TSR1: variants seen among roughly 807,000 people sequenced by gnomAD.
TSR1 encodes pre-rRNA-processing protein TSR1 homolog.
A neutral mutation model predicts 90.9 loss-of-function variants in TSR1; 81 were observed. The ratio of observed to expected loss-of-function variants is 0.89; its 90% CI spans 0.74 to 1.07. TSR1 has a LOEUF of 1.07. Among genes scored for constraint, TSR1 ranks in the 50% least tolerant of loss-of-function variants. The probability of loss-of-function intolerance (pLI) is 0.00; values close to 1 mark genes in which losing one functional copy is unlikely to be tolerated. For synonymous variants in TSR1, 362 were observed against 348.8 expected (o/e 1.04, Z -0.42); for missense variants, 989 against 987.3 (o/e 1.00, Z -0.02).
At chr17:2,335,214 A>G (rs1480323547) in intron 4 of TSR1, 46 bp downstream of exon 4, 4 of 1,580,146 alleles carry the variant, frequency 2.5e-6, no homozygotes, top group Admixed American at 1.7e-5. Context: ...TACCAGGCAT[A>G]GTGCCTGACA....
intron 10 of TSR1, chr17:2,330,248 C>T (rs773394472): frequency 3.4e-6 from 2 of 584,072 alleles, no homozygotes; most frequent in Admixed American, 3.8e-5. Flanking sequence ...GCTGCCAACC[C>T]TTATTCAAAA....
chr17:2,333,279 C>T (rs1477206686), intron 6 of TSR1, 155 bp from the exon 7 acceptor site: 3 of 950,542 alleles, frequency 3.2e-6, no homozygotes, highest in Non-Finnish European at 4.9e-6. Context: ...ATTCAGCTGC[C>T]TCACAACTAG....
rs2064035218 is a variant in TSR1 at position 2,334,697 on chromosome 17, G to A, written c.756C>T (p.Tyr252=). 6.2e-7 allele frequency: 1 copy of A among 1,613,584 alleles called. No individual in the cohort carries two copies. The highest frequency in any genetic ancestry group is 1.7e-5 in the Admixed American group (1 of 60,026). ...CAAAATCAACAGCATGGGCAAATAG[G>A]TAGGCCCGCCGATCTCGAAAAGCAA... The part of the protein sequence containing the change: ...QHLAFRDRRA[Y]LFAHAVDFVP... Residue 252 remains tyrosine, a synonymous_variant, in exon 5 of 15, where the codon TAC becomes TAT. Transcript: ENST00000301364.
rs763301332 is a variant in TSR1, at chr17:2,334,495, T to C, written c.958A>G (p.Lys320Glu). The change falls in exon 5 of 15, where the codon AAG (lysine) becomes GAG (glutamate). Residue 320 changes from lysine to glutamate, a missense_variant. Physicochemically the swap from Lys to Glu is moderately conservative, Grantham distance 56 (BLOSUM62 1). Transcript: ENST00000301364. The stretch of plus-strand genomic sequence containing the variant: ...ACCTCCATTGCCATGTCTGGGTCCT[T>C]TTGGGGTTTAATTCCTCTAGGATTT... ...PLNPRGIKPQ[K>E]DPDMAMEICA... 71 of 1,613,476 alleles carry C rather than the reference T, an allele frequency of 4.4e-5. 2 individuals carry two copies. In the South Asian group the frequency reaches 7.8e-4, roughly 18 times the overall value.
At chr17:2,333,229 A>G in intron 6 of TSR1, 105 bp from the exon 7 acceptor site, 1 of 1,319,030 alleles carries the variant, frequency 7.6e-7, no homozygotes, top group African/African-American at 1.5e-5. Flanking sequence ...AACATGGGAA[A>G]TTCTGGCAGA....
At position 2,334,834 on chromosome 17, in the gene TSR1, G is replaced by A. The variant is rs752759347; in HGVS notation, c.619C>T (p.Leu207=). Residue 207 remains leucine, a synonymous_variant, in exon 5 of 15, where the codon CTA becomes TTA. Coordinates refer to ENST00000301364, the MANE Select transcript of TSR1 (RefSeq NM_018128.5). ...AAGCGCTTCTCCACTGCTTTACTTAGCTTCTTCCTGGTATCTATTTGTTTC... is the reference window on the plus strand; with the variant it reads ...AAGCGCTTCTCCACTGCTTTACTTAACTTCTTCCTGGTATCTATTTGTTTC... ...LKKQIDTRKK[L]SKAVEKRFPH... is the part of the protein sequence containing the mutation. 4.2e-5 allele frequency: 68 copies of A among 1,614,022 alleles called. No individual in the cohort carries two copies. The highest frequency in any genetic ancestry group is 5.6e-5 in the Non-Finnish European group (66 of 1,180,048).
Position 2,324,307 on chromosome 17 carries a change from G to A in TSR1, c.2304C>T (p.Asn768=), listed in dbSNP as rs1173403404. 6.4e-7 allele frequency: 1 copy of A among 1,565,766 alleles called. No homozygotes were observed. The highest frequency in any genetic ancestry group is 1.2e-5 in the South Asian group (1 of 81,686). ...KLKSQDTVLM[N]LYKRVFPKWT... is the part of the protein sequence containing the mutation. The stretch of plus-strand genomic sequence containing the variant: ...ATTTGGGGAAGACTCGTTTATACAG[G>A]TTCATCAGTACTGTGTCTTGAGATT... The change falls in exon 15 of 15, where the codon AAC becomes AAT. Residue 768 remains asparagine, a synonymous_variant. Transcript: ENST00000301364.
In TSR1 at chr17:2,325,933, T is replaced by C. The variant is rs2075573981; in HGVS notation, c.1904-513A>G. Among the ~76,000 whole-genome samples, 9 of 152,248 alleles carry C rather than the reference T, an allele frequency of 5.9e-5. No individual in the cohort carries two copies. In the South Asian group the frequency reaches 1.9e-3, roughly 32 times the overall value. ...GCTGTATCAGTAACTTTTTATTTATTTATTTATTTTGAGATGGTGTCTCGC... is the reference window on the plus strand; with the variant it reads ...GCTGTATCAGTAACTTTTTATTTATCTATTTATTTTGAGATGGTGTCTCGC... On this transcript the variant is annotated intron_variant, in intron 11 of 14. Transcript: ENST00000301364.
Position 2,325,429 on chromosome 17 carries a change from A to G in TSR1, c.1904-9T>C. On this transcript the variant is annotated splice_polypyrimidine_tract_variant and intron_variant, in intron 11 of 14. Coordinates refer to ENST00000301364, the MANE Select transcript of TSR1 (RefSeq NM_018128.5). ...CAATTTATGTTTGTCCGCTGCCATA[A>G]GGGTTAAAAAATGAAAAGCAAAACC... 6.2e-7 allele frequency: 1 copy of G among 1,602,650 alleles called. No homozygotes were observed. Among genetic ancestry groups the G allele is most frequent in the Non-Finnish European group, 8.5e-7 (1 of 1,175,698 alleles).
At chr17:2,331,286 T>G (rs967018921) in intron 8 of TSR1, among the ~76,000 whole-genome samples, 177 bp from the exon 9 acceptor site, 5 of 152,222 alleles carry the variant, frequency 3.3e-5, no homozygotes, top group African/African-American at 1.2e-4. Flanking sequence ...ACAAGTTCTA[T>G]CGGAACCAAA....
At position 2,334,483 on chromosome 17, in the gene TSR1, T is replaced by G. The variant is rs769848801; in HGVS notation, c.970A>C (p.Met324Leu). 1.9e-6 allele frequency: 3 copies of G among 1,612,928 alleles called. No homozygotes were observed. The Admixed American group carries it at 5.0e-5, about 27-fold the overall frequency. Residue 324 changes from methionine to leucine, a missense_variant, in exon 5 of 15, where the codon ATG (methionine) becomes CTG (leucine). Met to Leu is a conservative substitution (Grantham distance 15). Transcript: ENST00000301364. ...AATATCAGTCTTACCTCCATTGCCA[T>G]GTCTGGGTCCTTTTGGGGTTTAATT... ...RGIKPQKDPD[M>L]AMEICATDAV...
rs1262353578 is a variant in TSR1, at chr17:2,323,832, C to T, written c.*364G>A. ...AACCTCCTCCATAACTTGGGTGAAGCAGGCTGAAAGGCCAGCTTCTTATCA... is the reference window on the plus strand; with the variant it reads ...AACCTCCTCCATAACTTGGGTGAAGTAGGCTGAAAGGCCAGCTTCTTATCA... On this transcript the variant is annotated 3_prime_UTR_variant, in exon 15 of 15. Transcript: ENST00000301364. 6.2e-7 allele frequency: 1 copy of T among 1,614,018 alleles called. No individual in the cohort carries two copies. Among genetic ancestry groups the T allele is most frequent in the Non-Finnish European group, 8.5e-7 (1 of 1,180,048 alleles).
At chr17:2,333,217 C>CCTTG in intron 6 of TSR1, 93 bp from the exon 7 acceptor site, 2 of 1,419,560 alleles carry the variant, frequency 1.4e-6, no homozygotes, top group African/African-American at 1.4e-5. Flanking sequence ...GATACTGCTG[C>CCTTG]CAACATGGGA....
chr17:2,325,541 C>A (rs1597274098), intron 11 of TSR1, 121 bp from the exon 12 acceptor site: 2 of 728,080 alleles, frequency 2.7e-6, no homozygotes, highest in South Asian at 4.1e-5. Context: ...CTTCTCTAAA[C>A]CACCAGTTCT....
intron 11 of TSR1, 108 bp downstream of exon 11, chr17:2,329,235 T>TA (rs1354179003): frequency 2.0e-6 from 3 of 1,524,662 alleles, no homozygotes; most frequent in Admixed American, 3.4e-5. Context: ...AAAATACCTC[T>TA]AACCCAGAGA....
chr17:2,330,949 C>A lies in TSR1; in HGVS notation c.1657G>T (p.Glu553Ter). 1 of 1,584,680 alleles carries A rather than the reference C, an allele frequency of 6.3e-7. No homozygotes were observed. Among genetic ancestry groups the A allele is most frequent in the Non-Finnish European group, 8.5e-7 (1 of 1,170,560 alleles). Residue 553 changes from glutamate (E) to a stop codon, truncating the protein, a stop_gained and splice_region_variant, in exon 9 of 15, where the codon GAG becomes TAG. Transcript: ENST00000301364. LOFTEE classifies it high-confidence loss of function. ...AGATGAACAAGGAGGATAGATACCT[C>A]AGCTCCTTCAACCTCTTTTTCTTCA... ...EVEEKEVEGAEVGWYVTLHVS... is the reference protein window; with the variant it reads ...EVEEKEVEGA
chr17:2,334,830 C>G lies in TSR1; in HGVS notation c.623G>C (p.Ser208Thr). ...KKQIDTRKKLSKAVEKRFPHD... is the reference protein window; with the variant it reads ...KKQIDTRKKLTKAVEKRFPHD... ...CGGAAAGCGCTTCTCCACTGCTTTA[C>G]TTAGCTTCTTCCTGGTATCTATTTG... Residue 208 changes from serine (S) to threonine (T), a missense_variant, in exon 5 of 15, where the codon AGT (serine) becomes ACT (threonine). Physicochemically the swap from Ser to Thr is moderately conservative, Grantham distance 58 (BLOSUM62 1). Transcript: ENST00000301364. 6.2e-7 allele frequency: 1 copy of G among 1,614,208 alleles called. No homozygotes were observed. The highest frequency in any genetic ancestry group is 1.1e-5 in the South Asian group (1 of 91,090).
Position 2,334,775 on chromosome 17 carries a change from TTG to T in TSR1, c.676_677del (p.Gln226ThrfsTer8). 6.2e-7 allele frequency: 1 copy of T among 1,614,258 alleles called. No homozygotes were observed. Reference protein sequence around the residue: ...PHDKLLLLDTQQEAGMLLRQL... With the variant: ...PHDKLLLLDTXQEAGMLLRQL... ...GCCTAAGCAGCATCCCTGCCTCCTG[TTG>T]AGTGTCTAACAAGAGGAGTTTGTCA... is the stretch of plus-strand genomic sequence containing the variant. On this transcript the variant is annotated frameshift_variant, in exon 5 of 15. Coordinates refer to ENST00000301364, the MANE Select transcript of TSR1 (RefSeq NM_018128.5). LOFTEE classifies it high-confidence loss of function.
At position 2,334,710 on chromosome 17, in the gene TSR1, T is replaced by A. The variant is rs1405370008; in HGVS notation, c.743A>T (p.Asp248Val). 1 of 1,613,782 alleles carries A rather than the reference T, an allele frequency of 6.2e-7. No individual in the cohort carries two copies. The highest frequency in any genetic ancestry group is 8.5e-7 in the Non-Finnish European group (1 of 1,180,062). The change falls in exon 5 of 15, where the codon GAT (aspartate) becomes GTT (valine). Residue 248 changes from aspartate (D) to valine (V), a missense_variant. By Grantham distance (152) the Asp-to-Val change is radical (BLOSUM62 -3). Coordinates refer to ENST00000301364, the MANE Select transcript of TSR1 (RefSeq NM_018128.5). ...ATGGGCAAATAGGTAGGCCCGCCGA[T>A]CTCGAAAAGCAAGATGCTGTTGCTT... The part of the protein sequence containing the change: ...NQKQQHLAFR[D>V]RRAYLFAHAV...
Sources: allele counts gnomAD v4.1 joint callset (sites outside exome capture counted in the v4.1 genomes callset), GRCh38; gene constraint gnomAD v4.1.1; transcripts MANE v1.5; gene names NCBI Gene and HGNC (gene_info 2026-07-23, HGNC 2026-07-21).